The following SNX21 variants were observed in gnomAD, a reference collection of about 807,000 sequenced individuals.
SNX21 encodes sorting nexin-21.
A neutral mutation model predicts 30.9 loss-of-function variants in SNX21; 36 were observed. That is an observed-to-expected ratio of 1.16 (90% confidence interval 0.89 to 1.54). The LOEUF is 1.54. SNX21 is among the 40% of genes most tolerant of loss of function. The probability of loss-of-function intolerance (pLI) is 0.00; values close to 1 mark genes in which losing one functional copy is unlikely to be tolerated. For synonymous variants in SNX21, 218 were observed against 222.7 expected (o/e 0.98, Z 0.19); for missense variants, 508 against 516.5 (o/e 0.98, Z 0.16).
chr20:45,840,364 CA>C, intron 3 of SNX21: 4 of 1,612,364 alleles, frequency 2.5e-6, no homozygotes, highest in South Asian at 2.2e-5. Flanking sequence ...GAAGGGAGTA[CA>C]AAAAAAGGGG....
In SNX21 at chr20:45,841,732, C is replaced by CA; in HGVS notation, c.*420dup. 1 of 1,439,108 alleles carries CA rather than the reference C, an allele frequency of 6.9e-7. No individual in the cohort carries two copies. The highest frequency in any genetic ancestry group is 9.1e-7 in the Non-Finnish European group (1 of 1,102,572). The allele number at this position is 1,439,108 out of a possible 1,614,324, so 89.1% of individuals were successfully genotyped here. On this transcript the variant is annotated 3_prime_UTR_variant, in exon 4 of 4. Coordinates refer to ENST00000491381, the MANE Select transcript of SNX21 (RefSeq NM_033421.4). ...TAAAAGCCAGCCACTCCAGTGGTAT[C>CA]AGTCTCTTTATTGGATGTGAGGGCC... is the stretch of plus-strand genomic sequence containing the variant.
chr20:45,841,211 A>C lies in SNX21; in HGVS notation c.1020A>C (p.Lys340Asn), dbSNP rs943205954. 1.9e-6 allele frequency: 3 copies of C among 1,613,884 alleles called. No homozygotes were observed. Among genetic ancestry groups the C allele is most frequent in the Non-Finnish European group, 2.5e-6 (3 of 1,179,950 alleles). The change falls in exon 4 of 4, where the codon AAA becomes AAC. Residue 340 changes from lysine to asparagine, a missense_variant. Coordinates refer to ENST00000491381, the MANE Select transcript of SNX21 (RefSeq NM_033421.4). ...TCTCCTGGCGCCTGGGCCTGGACAA[A>C]CGTCAATCAGAGGCTCGGCTCCAAG... ...VRLSWRLGLD[K>N]RQSEARLQAL...
rs1313169254 is a variant in SNX21 at position 45,834,382 on chromosome 20, A to T, written c.203A>T (p.Asp68Val). The T allele has an allele frequency of 1.2e-6, 2 of 1,601,384 alleles. No individual in the cohort carries two copies. The highest frequency in any genetic ancestry group is 2.2e-5 in the South Asian group (2 of 89,622). Residue 68 changes from aspartate to valine, a missense_variant, in exon 2 of 4, where the codon GAC becomes GTC. Asp to Val is a radical substitution (Grantham distance 152). Coordinates refer to ENST00000491381, the MANE Select transcript of SNX21 (RefSeq NM_033421.4). Reference protein sequence around the residue: ...SGTLSFTSAEDDEDDEDEDDE... With the variant: ...SGTLSFTSAEVDEDDEDEDDE... The stretch of plus-strand genomic sequence containing the variant: ...ACCCTCAGCTTCACCAGCGCCGAGG[A>T]CGACGAGGACGACGAGGACGAGGAC...
intron 2 of SNX21, 183 bp from the exon 3 acceptor site, chr20:45,834,776 T>G (rs1983371803): frequency 1.3e-6 from 1 of 763,990 alleles, no homozygotes; most frequent in South Asian, 1.8e-5. Flanking sequence ...AGCTATTAAT[T>G]TAGCCCCTAC....
chr20:45,834,622 G>T, intron 2 of SNX21, 154 bp downstream of exon 2: 1 of 1,076,710 alleles, frequency 9.3e-7, no homozygotes, highest in Non-Finnish European at 1.3e-6. Context: ...GTGACCTTGA[G>T]AGAGTCTTAA....
intron 3 of SNX21, chr20:45,840,265 G>T: frequency 6.8e-7 from 1 of 1,476,272 alleles, no homozygotes; most frequent in Non-Finnish European, 8.9e-7. Flanking sequence ...CTCCAAGCTG[G>T]TCCTAAAGGA....
At chr20:45,835,258 G>C in intron 3 of SNX21, 142 bp downstream of exon 3, 3 of 1,011,880 alleles carry the variant, frequency 3.0e-6, no homozygotes, top group Middle Eastern at 2.3e-4. Flanking sequence ...GGTCAGAAAG[G>C]GGATGTAACT....
chr20:45,839,376 C>CGTG (rs1328070992), intron 3 of SNX21, among the ~76,000 whole-genome samples: 4 of 151,982 alleles, frequency 2.6e-5, no homozygotes, highest in African/African-American at 7.2e-5. Context: ...ATTAGCCGGG[C>CGTG]GTAGTGGCAG....
At position 45,834,353 on chromosome 20, in the gene SNX21, C is replaced by A. The variant is rs374446866; in HGVS notation, c.174C>A (p.Ser58Arg). Residue 58 changes from serine (S) to arginine (R), a missense_variant, in exon 2 of 4, where the codon AGC (serine) becomes AGA (arginine). Coordinates refer to ENST00000491381, the MANE Select transcript of SNX21 (RefSeq NM_033421.4). ...DDAEGLSSRL[S>R]GTLSFTSAED... ...CCGAGGGCCTGTCCTCCCGACTCAG[C>A]GGCACCCTCAGCTTCACCAGCGCCG... 5.6e-6 allele frequency: 9 copies of A among 1,601,262 alleles called. No homozygotes were observed. In the African/African-American group the frequency reaches 9.3e-5, roughly 17 times the overall value.
At position 45,840,730 on chromosome 20, in the gene SNX21, G is replaced by A. The variant is rs201926135; in HGVS notation, c.539G>A (p.Arg180Gln). The A allele has an allele frequency of 4.8e-5, 78 of 1,614,160 alleles. No individual in the cohort carries two copies. The highest frequency in any genetic ancestry group is 2.1e-4 in the South Asian group (19 of 91,088). The part of the protein sequence containing the change: ...RRYSDFERLH[R>Q]NLQRQFRGPM... ...TACTCGGACTTTGAGCGGCTGCACC[G>A]AAACCTGCAGCGGCAATTCCGGGGC... is the stretch of plus-strand genomic sequence containing the variant. The change falls in exon 4 of 4, where the codon CGA (arginine) becomes CAA (glutamine). Residue 180 changes from arginine (R) to glutamine (Q), a missense_variant. Coordinates refer to ENST00000491381, the MANE Select transcript of SNX21 (RefSeq NM_033421.4).
rs936088982 is a variant in SNX21, at chr20:45,838,076, AT to A, written c.448-2555del. On this transcript the variant is annotated intron_variant, in intron 3 of 3. Coordinates refer to ENST00000491381, the MANE Select transcript of SNX21 (RefSeq NM_033421.4). Reference sequence around the variant, plus strand: ...TGAGCCACTACGCCCAGCCGAACCTATTTTTTTTCTTAAATAAGTTTATCGA... The same window carrying A: ...TGAGCCACTACGCCCAGCCGAACCTATTTTTTTCTTAAATAAGTTTATCGA... Among the ~76,000 whole-genome samples, 492 of 136,522 alleles carry A rather than the reference AT, an allele frequency of 3.6e-3. 5 individuals carry two copies. Among genetic ancestry groups the A allele is most frequent in the African/African-American group, 0.013 (472 of 35,968 alleles). 89.6% of individuals were successfully genotyped at this position (136,522 alleles called of 152,430 possible).
chr20:45,833,821 C>G lies in SNX21; in HGVS notation c.-99C>G. ...GGCAGGAAGCTGCCCGAGCGGCGCT[C>G]TGAGCGGCCTGAGCCCGGCGGAGCC... is the stretch of plus-strand genomic sequence containing the variant. On this transcript the variant is annotated 5_prime_UTR_variant, in exon 1 of 4. Transcript: ENST00000491381. 8.4e-7 allele frequency: 1 copy of G among 1,190,714 alleles called. No individual in the cohort carries two copies. Among genetic ancestry groups the G allele is most frequent in the Non-Finnish European group, 1.1e-6 (1 of 942,386 alleles). 73.8% of individuals were successfully genotyped at this position (1,190,714 alleles called of 1,614,324 possible).
Position 45,841,627 on chromosome 20 carries a change from G to A in SNX21, c.*314G>A, listed in dbSNP as rs1224900405. On this transcript the variant is annotated 3_prime_UTR_variant, in exon 4 of 4. Transcript: ENST00000491381. ...GGCCCCCAAGCTGGCAAGGCCTCTT[G>A]GCTGAAGGCCAGGGACTCTGCCCCT... is the stretch of plus-strand genomic sequence containing the variant. 2 of 1,406,798 alleles carry A rather than the reference G, an allele frequency of 1.4e-6. No individual in the cohort carries two copies. The highest frequency in any genetic ancestry group is 1.8e-6 in the Non-Finnish European group (2 of 1,087,758). 87.1% of individuals were successfully genotyped at this position (1,406,798 alleles called of 1,614,324 possible). A position where few individuals can be genotyped will look rare whatever the true frequency, so the allele number is the denominator to read the frequency against.
Position 45,833,925 on chromosome 20 carries a change from C to A in SNX21, c.6C>A (p.His2Gln). ...GGGGCGCGGCGCGCCCCTGAATGCACCGTGGGACGCAGGAGGTAGAGGCGC... is the reference window on the plus strand; with the variant it reads ...GGGGCGCGGCGCGCCCCTGAATGCAACGTGGGACGCAGGAGGTAGAGGCGC... MHRGTQEGAMAS... is the reference protein window; with the variant it reads MQRGTQEGAMAS... The change falls in exon 1 of 4, where the codon CAC becomes CAA. Residue 2 changes from histidine (H) to glutamine (Q), a missense_variant. Physicochemically the swap from His to Gln is conservative, Grantham distance 24. Coordinates refer to ENST00000491381, the MANE Select transcript of SNX21 (RefSeq NM_033421.4). 2 of 1,429,582 alleles carry A rather than the reference C, an allele frequency of 1.4e-6. No individual in the cohort carries two copies. The highest frequency in any genetic ancestry group is 2.9e-5 in the East Asian group (1 of 34,782). The allele number at this position is 1,429,582 out of a possible 1,614,324, so 88.6% of individuals were successfully genotyped here.
chr20:45,840,951 G>A lies in SNX21; in HGVS notation c.760G>A (p.Gly254Ser), dbSNP rs1310844852. Residue 254 changes from glycine to serine, a missense_variant, in exon 4 of 4, where the codon GGC becomes AGC. Gly to Ser is a moderately conservative substitution (Grantham distance 56). Coordinates refer to ENST00000491381, the MANE Select transcript of SNX21 (RefSeq NM_033421.4). ...GCGGGCACAGAGCCTCACCTGTACTGGCCTCTATCGTGAGGCTCTGGCACT... is the reference window on the plus strand; with the variant it reads ...GCGGGCACAGAGCCTCACCTGTACTAGCCTCTATCGTGAGGCTCTGGCACT... ...LRRAQSLTCT[G>S]LYREALALWA... 6 of 1,610,908 alleles carry A rather than the reference G, an allele frequency of 3.7e-6. No individual in the cohort carries two copies. Among genetic ancestry groups the A allele is most frequent in the East Asian group, 2.2e-5 (1 of 44,840 alleles).
At position 45,834,382 on chromosome 20, in the gene SNX21, A is replaced by G. The variant is rs1313169254; in HGVS notation, c.203A>G (p.Asp68Gly). The G allele has an allele frequency of 1.9e-6, 3 of 1,601,268 alleles. No homozygotes were observed. Among genetic ancestry groups the G allele is most frequent in the Admixed American group, 1.7e-5 (1 of 58,668 alleles). ...SGTLSFTSAE[D>G]DEDDEDEDDE... ...ACCCTCAGCTTCACCAGCGCCGAGG[A>G]CGACGAGGACGACGAGGACGAGGAC... Residue 68 changes from aspartate (D) to glycine (G), a missense_variant, in exon 2 of 4, where the codon GAC becomes GGC. By Grantham distance (94) the Asp-to-Gly change is moderately conservative (BLOSUM62 -1). Coordinates refer to ENST00000491381, the MANE Select transcript of SNX21 (RefSeq NM_033421.4).
At chr20:45,837,154 A>G (rs1157129185) in intron 3 of SNX21, among the ~76,000 whole-genome samples, 4 of 152,216 alleles carry the variant, frequency 2.6e-5, no homozygotes, top group Non-Finnish European at 5.9e-5. Context: ...ATTATCACCC[A>G]TCTGGCTGCA....
rs142149329 is a variant in SNX21, at chr20:45,842,492, C to T, written c.*1179C>T. 37 of 1,022,948 alleles carry T rather than the reference C, an allele frequency of 3.6e-5. No individual in the cohort carries two copies. Among genetic ancestry groups the T allele is most frequent in the Admixed American group, 5.2e-5 (1 of 19,330 alleles). The allele number at this position is 1,022,948 out of a possible 1,614,324, so 63.4% of individuals were successfully genotyped here. On this transcript the variant is annotated 3_prime_UTR_variant, in exon 4 of 4. Transcript: ENST00000491381. Reference sequence around the variant, plus strand: ...TGGTAATTCATGAAAAATATCCCCACTACCACCACCAAGGGGAAGAAAGGA... The same window carrying T: ...TGGTAATTCATGAAAAATATCCCCATTACCACCACCAAGGGGAAGAAAGGA...
At chr20:45,837,768 TTATC>T (rs1351294868) in intron 3 of SNX21, among the ~76,000 whole-genome samples, 2 of 151,868 alleles carry the variant, frequency 1.3e-5, no homozygotes, top group Admixed American at 1.3e-4. Context: ...TTTTTTTTCT[TTATC>T]TTTTTTTTTT....
Sources: allele counts gnomAD v4.1 joint callset (sites outside exome capture counted in the v4.1 genomes callset), GRCh38; gene constraint gnomAD v4.1.1; transcripts MANE v1.5; gene names NCBI Gene and HGNC (gene_info 2026-07-23, HGNC 2026-07-21).